ZNF141: variants seen among roughly 807,000 people sequenced by gnomAD.
ZNF141 encodes the protein zinc finger protein 141.
Under a neutral mutation model 11.3 loss-of-function variants are expected in ZNF141, and 7 were observed. That is an observed-to-expected ratio of 0.62 (90% CI 0.35 to 1.16). ZNF141 has a LOEUF of 1.16. Among genes scored for constraint, ZNF141 ranks in the 50% most tolerant of loss-of-function variants. The pLI is 0.02. For synonymous variants in ZNF141, 183 were observed against 190.7 expected (o/e 0.96, Z 0.33); for missense variants, 535 against 554.0 (o/e 0.97, Z 0.34).
intron 3 of ZNF141, chr4:358,476 G>A (rs1404173039): frequency 5.2e-6 from 1 of 190,572 alleles, no homozygotes; most frequent in African/African-American, 2.4e-5. Context: ...GTGAGCCATT[G>A]TGCCCAGCTC....
Position 372,675 on chromosome 4 carries a change from C to T in ZNF141, c.238C>T (p.His80Tyr). ...TTTATTTCTTTCAGCTATGTGTTCT[C>T]ATTTCACCCAAGACCATTGGCCAGT... ...IVARPPAMCS[H>Y]FTQDHWPVQG... is the part of the protein sequence containing the mutation. The change falls in exon 4 of 4, where the codon CAT becomes TAT. Residue 80 changes from histidine to tyrosine, a missense_variant. Coordinates refer to ENST00000240499, the MANE Select transcript of ZNF141 (RefSeq NM_003441.4). The T allele has an allele frequency of 1.3e-6, 2 of 1,522,954 alleles. No homozygotes were observed. The highest frequency in any genetic ancestry group is 1.8e-6 in the Non-Finnish European group (2 of 1,134,324). The allele number at this position is 1,522,954 out of a possible 1,614,324, so 94.3% of individuals were successfully genotyped here. A position where few individuals can be genotyped will look rare whatever the true frequency, so the allele number is the denominator to read the frequency against.
Position 341,340 on chromosome 4 carries a change from C to T in ZNF141, c.4-2442C>T, listed in dbSNP as rs191261280. Among the ~76,000 whole-genome samples, 654 of 152,212 alleles carry T rather than the reference C, an allele frequency of 4.3e-3. 7 individuals are homozygous for T. Among genetic ancestry groups the T allele is most frequent in the African/African-American group, 0.015 (620 of 41,540 alleles). On this transcript the variant is annotated intron_variant, in intron 1 of 3. Coordinates refer to ENST00000240499, the MANE Select transcript of ZNF141 (RefSeq NM_003441.4). Reference sequence around the variant, plus strand: ...CCTCCCAAAGTGCTGAGATTACAGGCGTGAGCCACCGTGCCCAGCCTGTTT... The same window carrying T: ...CCTCCCAAAGTGCTGAGATTACAGGTGTGAGCCACCGTGCCCAGCCTGTTT...
At chr4:344,314 A>T (rs375225346) in intron 2 of ZNF141, 21 bp from the exon 3 acceptor site, 4 of 1,590,100 alleles carry the variant, frequency 2.5e-6, no homozygotes, top group African/African-American at 2.7e-5. Flanking sequence ...TCATGTTATT[A>T]TTTTTTTTAA....
intron 3 of ZNF141, among the ~76,000 whole-genome samples, chr4:370,526 G>T (rs187144303): frequency 6.6e-6 from 1 of 152,052 alleles, no homozygotes; most frequent in Non-Finnish European, 1.5e-5. Flanking sequence ...TTTTCCTTCA[G>T]CACGTTAACT....
In ZNF141 at chr4:375,244, A is replaced by G. The variant is rs980080556; in HGVS notation, c.*1382A>G. On this transcript the variant is annotated 3_prime_UTR_variant, in exon 4 of 4. Coordinates refer to ENST00000240499, the MANE Select transcript of ZNF141 (RefSeq NM_003441.4). ...CTTTAAAGTGAAGAAGAGTATTCTT[A>G]AGACAAACAATACAAATATAAAGAG... 4 of 152,146 alleles carry G rather than the reference A, an allele frequency of 2.6e-5. No homozygotes were observed. Among genetic ancestry groups the G allele is most frequent in the African/African-American group, 4.8e-5 (2 of 41,456 alleles). 9.4% of individuals were successfully genotyped at this position (152,146 alleles called of 1,614,324 possible). A position where few individuals can be genotyped will look rare whatever the true frequency, so the allele number is the denominator to read the frequency against.
In ZNF141 at chr4:337,990, A is replaced by G; in HGVS notation, c.3+4A>G. ...ATACTTCAGAAGTGGGGAAATGGTG[A>G]GTGTGCGGGGCAGGGCGTCCCAAGG... On this transcript the variant is annotated splice_donor_region_variant and intron_variant, in intron 1 of 3. Transcript: ENST00000240499. 1 of 1,613,330 alleles carries G rather than the reference A, an allele frequency of 6.2e-7. No individual in the cohort carries two copies. Among genetic ancestry groups the G allele is most frequent in the African/African-American group, 1.3e-5 (1 of 75,038 alleles).
chr4:380,879 T>C lies in ZNF141; in HGVS notation c.*7017T>C. Among the ~76,000 whole-genome samples the C allele has an allele frequency of 6.6e-6, 1 of 152,286 alleles. No homozygotes were observed. Among genetic ancestry groups the C allele is most frequent in the South Asian group, 2.1e-4 (1 of 4,832 alleles). On this transcript the variant is annotated 3_prime_UTR_variant, in exon 4 of 4. Coordinates refer to ENST00000240499, the MANE Select transcript of ZNF141 (RefSeq NM_003441.4). ...TAAAAATTTAACAAAAATTGTTAAA[T>C]GTTGTCATATATGTGTGTGCAAAAC...
At chr4:342,684 G>A in intron 1 of ZNF141, 1 of 869,724 alleles carries the variant, frequency 1.1e-6, no homozygotes, top group South Asian at 1.4e-5. Context: ...TGGACAGTTT[G>A]AAGAGAAACC....
chr4:356,440 C>G (rs1239119051), intron 3 of ZNF141, among the ~76,000 whole-genome samples: 5 of 151,804 alleles, frequency 3.3e-5, no homozygotes, highest in African/African-American at 1.2e-4. Context: ...ATTCTCCTGC[C>G]TCAGCCTCCC....
At chr4:357,339 G>A (rs1246291518) in intron 3 of ZNF141, among the ~76,000 whole-genome samples, 3 of 151,010 alleles carry the variant, frequency 2.0e-5, no homozygotes, top group Non-Finnish European at 4.4e-5. Flanking sequence ...CTGCTATATT[G>A]ACCCAGGAGG....
chr4:359,694 G>T (rs1722018776), intron 3 of ZNF141, among the ~76,000 whole-genome samples: 1 of 152,138 alleles, frequency 6.6e-6, no homozygotes, highest in Non-Finnish European at 1.5e-5. Flanking sequence ...GTGCTTTTGG[G>T]CAGGTCACAG....
chr4:381,247 C>T lies in ZNF141; in HGVS notation c.*7385C>T, dbSNP rs1581637197. ...TGCCTAAATGCTACCAATTATCTTA[C>T]ACTGGCTCCCCAAATAGGTTTTTAT... On this transcript the variant is annotated 3_prime_UTR_variant, in exon 4 of 4. Coordinates refer to ENST00000240499, the MANE Select transcript of ZNF141 (RefSeq NM_003441.4). 6.6e-6 allele frequency among the ~76,000 whole-genome samples: 1 copy of T among 152,088 alleles called. No homozygotes were observed. The highest frequency in any genetic ancestry group is 6.5e-5 in the Admixed American group (1 of 15,272).
At chr4:361,487 G>C (rs1415391797) in intron 3 of ZNF141, among the ~76,000 whole-genome samples, 1 of 150,858 alleles carries the variant, frequency 6.6e-6, no homozygotes, top group Non-Finnish European at 1.5e-5. Flanking sequence ...CCATTAACTT[G>C]TCATTTACAT....
chr4:370,583 G>C (rs1476664942), intron 3 of ZNF141, among the ~76,000 whole-genome samples: 5 of 152,204 alleles, frequency 3.3e-5, no homozygotes, highest in Middle Eastern at 3.4e-3. Context: ...AGATTCACTT[G>C]TTATCTTATA....
At chr4:350,571 G>A (rs1721548943) in intron 3 of ZNF141, among the ~76,000 whole-genome samples, 1 of 152,034 alleles carries the variant, frequency 6.6e-6, no homozygotes, top group African/African-American at 2.4e-5. Context: ...TATACGGTTT[G>A]GATCTATGTC....
intron 3 of ZNF141, among the ~76,000 whole-genome samples, chr4:357,206 G>GT (rs1721882490): frequency 6.6e-6 from 1 of 152,080 alleles, no homozygotes; most frequent in Non-Finnish European, 1.5e-5. Context: ...CACTTGATTT[G>GT]ACCTCCCAAT....
rs1712560373 is a variant in ZNF141, at chr4:380,454, C to G, written c.*6592C>G. On this transcript the variant is annotated 3_prime_UTR_variant, in exon 4 of 4. Coordinates refer to ENST00000240499, the MANE Select transcript of ZNF141 (RefSeq NM_003441.4). ...GGATCATGAGGTCAGGAGTTTGAGACCAGTCTGGCCAACATGGTGAAACCC... is the reference window on the plus strand; with the variant it reads ...GGATCATGAGGTCAGGAGTTTGAGAGCAGTCTGGCCAACATGGTGAAACCC... Among the ~76,000 whole-genome samples, 1 of 152,042 alleles carries G rather than the reference C, an allele frequency of 6.6e-6. No individual in the cohort carries two copies. Among genetic ancestry groups the G allele is most frequent in the African/African-American group, 2.4e-5 (1 of 41,382 alleles).
chr4:382,456 T>A lies in ZNF141; in HGVS notation c.*8594T>A, dbSNP rs1256098934. Among the ~76,000 whole-genome samples the A allele has an allele frequency of 6.6e-6, 1 of 152,200 alleles. No homozygotes were observed. Among genetic ancestry groups the A allele is most frequent in the Admixed American group, 6.5e-5 (1 of 15,274 alleles). ...AACAGTAATTTGACTTTGTCTATATTAAAAATCATAAATAGTCAACAAATG... is the reference window on the plus strand; with the variant it reads ...AACAGTAATTTGACTTTGTCTATATAAAAAATCATAAATAGTCAACAAATG... On this transcript the variant is annotated 3_prime_UTR_variant, in exon 4 of 4. Transcript: ENST00000240499.
intron 3 of ZNF141, among the ~76,000 whole-genome samples, chr4:354,285 CCT>C (rs1249155436): frequency 3.9e-5 from 6 of 152,260 alleles, no homozygotes; most frequent in Non-Finnish European, 7.4e-5. Context: ...CCCCACAGAC[CCT>C]CTCTCATGTG....
Sources: allele counts gnomAD v4.1 joint callset (sites outside exome capture counted in the v4.1 genomes callset), GRCh38; gene constraint gnomAD v4.1.1; transcripts MANE v1.5; gene names NCBI Gene and HGNC (gene_info 2026-07-23, HGNC 2026-07-21).